The following RBFOX1 variants were observed in gnomAD, a reference collection of about 807,000 sequenced individuals.
RBFOX1 encodes RNA binding fox-1 homolog 1, also known as RNA binding protein fox-1 homolog 1.
A neutral mutation model predicts 57.7 loss-of-function variants in RBFOX1; 8 were observed. The observed-to-expected ratio is 0.14, with a 90% CI of 0.08 to 0.25. RBFOX1 has a LOEUF of 0.25. RBFOX1 is among the 10% of genes least tolerant of loss of function. RBFOX1 has a pLI of 1.00. For synonymous variants in RBFOX1, 326 were observed against 222.4 expected, an observed-to-expected ratio of 1.47 and a Z score of -4.15; for missense variants, 611 against 548.5, an observed-to-expected ratio of 1.11 and a Z score of -1.14.
At chr16:5,336,601 C>T (rs2064901266) in intron 1 of RBFOX1, among the ~76,000 whole-genome samples, 1 of 152,186 alleles carries the variant, frequency 6.6e-6, no homozygotes, top group Non-Finnish European at 1.5e-5. Context: ...GGCAGGAGAA[C>T]CTCTTGGCAT....
intron 4 of RBFOX1, among the ~76,000 whole-genome samples, chr16:7,217,237 G>C (rs1298955128): frequency 6.6e-6 from 1 of 150,540 alleles, no homozygotes; most frequent in Non-Finnish European, 1.5e-5. Flanking sequence ...GAGTAGCTGG[G>C]ACTACAGGTG....
chr16:6,032,353 T>G (rs2095302847), intron 1 of RBFOX1, among the ~76,000 whole-genome samples: 1 of 145,096 alleles, frequency 6.9e-6, no homozygotes, highest in East Asian at 2.0e-4. Flanking sequence ...GAATTTAATT[T>G]GCCTCTAACC....
At chr16:7,525,033 C>T (rs1048644083) in intron 5 of RBFOX1, among the ~76,000 whole-genome samples, 1 of 152,178 alleles carries the variant, frequency 6.6e-6, no homozygotes, top group Non-Finnish European at 1.5e-5. Context: ...GTCTCTGTGC[C>T]AGAAATGAGT....
chr16:7,316,038 C>G (rs1437201574), intron 4 of RBFOX1, among the ~76,000 whole-genome samples: 1 of 152,122 alleles, frequency 6.6e-6, no homozygotes, highest in African/African-American at 2.4e-5. Context: ...AACAAACATC[C>G]CTTTATTCTG....
intron 3 of RBFOX1, among the ~76,000 whole-genome samples, chr16:6,963,783 C>G (rs571285514): frequency 2.6e-5 from 4 of 151,962 alleles, no homozygotes; most frequent in Non-Finnish European, 5.9e-5. Flanking sequence ...ACTGCAAGCT[C>G]CACCTCCCGG....
At chr16:7,073,071 TGTAGGTATTCA>T (rs2057648611) in intron 4 of RBFOX1, among the ~76,000 whole-genome samples, 1 of 152,102 alleles carries the variant, frequency 6.6e-6, no homozygotes, top group Non-Finnish European at 1.5e-5. Context: ...TAGTACAGGT[TGTAGGTATTCA>T]GTTGAGACTC....
At chr16:5,894,950 G>GAGGCAGAGCTTGCAGT (rs1259923250) in intron 4 of RBFOX1, among the ~76,000 whole-genome samples, 5 of 152,108 alleles carry the variant, frequency 3.3e-5, no homozygotes, top group Admixed American at 6.5e-5. Flanking sequence ...ATGAACCCGG[G>GAGGCAGAGCTTGCAGT]AGGCAGAGCT....
intron 1 of RBFOX1, among the ~76,000 whole-genome samples, chr16:5,434,243 C>T (rs2067844406): frequency 6.6e-6 from 1 of 150,660 alleles, no homozygotes; most frequent in Non-Finnish European, 1.5e-5. Context: ...AAAATGAGGC[C>T]TTAGAAGAGA....
chr16:5,336,860 T>C (rs1369639701), intron 1 of RBFOX1, among the ~76,000 whole-genome samples: 1 of 152,216 alleles, frequency 6.6e-6, no homozygotes, highest in Non-Finnish European at 1.5e-5. Context: ...TGTTTATCCT[T>C]TCAGATGCCA....
intron 3 of RBFOX1, among the ~76,000 whole-genome samples, chr16:5,666,539 G>T (rs1409664279): frequency 6.6e-6 from 1 of 152,182 alleles, no homozygotes; most frequent in Non-Finnish European, 1.5e-5. Flanking sequence ...CTGCGTTTCT[G>T]TTGGAACAGA....
chr16:5,508,915 G>A (rs1403384925), intron 2 of RBFOX1, among the ~76,000 whole-genome samples: 1 of 152,168 alleles, frequency 6.6e-6, no homozygotes, highest in African/African-American at 2.4e-5. Flanking sequence ...GGGTTCTGCC[G>A]CGTCTCTCCA....
intron 2 of RBFOX1, among the ~76,000 whole-genome samples, chr16:6,462,904 C>T (rs990772865): frequency 6.6e-5 from 10 of 152,108 alleles, no homozygotes; most frequent in African/African-American, 1.9e-4. Context: ...AATATTTGTT[C>T]ATTTTCAATT....
chr16:5,382,296 A>G (rs1395477221), intron 1 of RBFOX1, among the ~76,000 whole-genome samples: 4 of 152,150 alleles, frequency 2.6e-5, no homozygotes, highest in Non-Finnish European at 5.9e-5. Flanking sequence ...TTCAGCTGTT[A>G]TTCAACTGTT....
chr16:6,956,555 C>T (rs933711442), intron 3 of RBFOX1, among the ~76,000 whole-genome samples: 16 of 152,204 alleles, frequency 1.1e-4, no homozygotes, highest in African/African-American at 3.1e-4. Flanking sequence ...CCAGTGGGGG[C>T]AGTTGTACCT....
intron 1 of RBFOX1, among the ~76,000 whole-genome samples, chr16:6,175,954 C>G (rs1402045491): frequency 6.6e-6 from 1 of 152,120 alleles, no homozygotes; most frequent in Middle Eastern, 3.2e-3. Flanking sequence ...ACTCCACCCC[C>G]AGATATGTTA....
chr16:6,877,125 C>G lies in RBFOX1; in HGVS notation c.-15-174932C>G, dbSNP rs928541777. 1.3e-5 allele frequency among the ~76,000 whole-genome samples: 2 copies of G among 152,134 alleles called. 1 individual carries two copies. Among genetic ancestry groups the G allele is most frequent in the South Asian group, 4.1e-4 (2 of 4,830 alleles). ...AGGCAGTCCCGCTGAAGAGAAATAA[C>G]ACCAAACAACAGTAAACAAAAAAGC... On this transcript the variant is annotated intron_variant, in intron 3 of 15. Coordinates refer to ENST00000550418, the MANE Select transcript of RBFOX1 (RefSeq NM_018723.4).
chr16:6,754,686 G>A (rs1306693762), intron 3 of RBFOX1, among the ~76,000 whole-genome samples: 1 of 151,990 alleles, frequency 6.6e-6, no homozygotes, highest in Non-Finnish European at 1.5e-5. Flanking sequence ...AGAGAGAGAT[G>A]CAGGAAATGG....
chr16:6,175,563 T>C (rs962640336), intron 1 of RBFOX1, among the ~76,000 whole-genome samples: 2 of 152,190 alleles, frequency 1.3e-5, no homozygotes, highest in African/African-American at 2.4e-5. Context: ...GCTTTTGTTG[T>C]GCATAGCACC....
At chr16:7,696,254 G>T (rs933651954) in intron 14 of RBFOX1, among the ~76,000 whole-genome samples, 1 of 152,168 alleles carries the variant, frequency 6.6e-6, no homozygotes, top group Non-Finnish European at 1.5e-5. Flanking sequence ...GCTCTGTTGG[G>T]TATCACTTGG....
Sources: gnomAD v4.1 joint callset for allele counts (sites outside exome capture counted in the v4.1 genomes callset) on GRCh38, gnomAD v4.1.1 for gene constraint, MANE v1.5 for transcripts, NCBI Gene and HGNC (gene_info 2026-07-23, HGNC 2026-07-21) for gene names.